The following MARCHF8 variants were observed in gnomAD, a reference collection of about 807,000 sequenced individuals.
MARCHF8 encodes the protein membrane associated ring-CH-type finger 8, also known as E3 ubiquitin-protein ligase MARCHF8.
A neutral mutation model predicts 51.6 loss-of-function variants in MARCHF8; 40 were observed. The ratio of observed to expected loss-of-function variants is 0.77; its 90% confidence interval spans 0.60 to 1.01. The LOEUF (loss-of-function observed/expected upper bound fraction) is 1.01, where lower values mean the gene tolerates loss of function less well. Among genes scored for constraint, MARCHF8 ranks in the 50% least tolerant of loss-of-function variants. The pLI is 0.00. For synonymous variants in MARCHF8, 263 were observed against 280.3 expected (o/e 0.94, Z 0.62); for missense variants, 685 against 708.6 (o/e 0.97, Z 0.38).
chr10:45,537,784 A>G (rs2043994661), upstream of MARCHF8, among the ~76,000 whole-genome samples: 1 of 152,176 alleles, frequency 6.6e-6, no homozygotes, highest in Non-Finnish European at 1.5e-5. Context: ...AGAGCAGTGC[A>G]TGCCAAGAGC....
chr10:45,593,465 C>A (rs2044703530), intron 1 of MARCHF8: 2 of 152,324 alleles, frequency 1.3e-5, no homozygotes, highest in African/African-American at 4.8e-5. Flanking sequence ...CTCAAGATTT[C>A]ACACAAGAGC....
intron 3 of MARCHF8, among the ~76,000 whole-genome samples, chr10:45,488,027 G>A (rs1334672951): frequency 1.3e-5 from 2 of 152,074 alleles, no homozygotes; most frequent in East Asian, 3.9e-4. Flanking sequence ...TCAATGTGTG[G>A]GCTGAGAGAG....
intron 2 of MARCHF8, among the ~76,000 whole-genome samples, chr10:45,508,858 G>GT (rs1292372964): frequency 2.6e-5 from 4 of 151,828 alleles, no homozygotes; most frequent in African/African-American, 7.2e-5. Context: ...TTATTATCTT[G>GT]TTTTGCATGT....
intron 2 of MARCHF8, among the ~76,000 whole-genome samples, chr10:45,517,592 C>A (rs1264481930): frequency 1.3e-5 from 2 of 152,192 alleles, no homozygotes; most frequent in East Asian, 1.9e-4. Flanking sequence ...AAGGCCTCAC[C>A]AGAAGCTGAA....
At chr10:45,544,738 G>A (rs1014144255) in intron 1 of MARCHF8, among the ~76,000 whole-genome samples, 1 of 152,108 alleles carries the variant, frequency 6.6e-6, no homozygotes, top group Non-Finnish European at 1.5e-5. Context: ...GAACTTTGGG[G>A]GCAAAGGAAA....
At chr10:45,586,117 C>A (rs1156753624) in intron 1 of MARCHF8, among the ~76,000 whole-genome samples, 1 of 152,078 alleles carries the variant, frequency 6.6e-6, no homozygotes, top group Non-Finnish European at 1.5e-5. Flanking sequence ...GAAGTTCTGA[C>A]AAAAGTGTAT....
At chr10:45,502,921 G>A (rs1446175018) in intron 2 of MARCHF8, among the ~76,000 whole-genome samples, 1 of 152,026 alleles carries the variant, frequency 6.6e-6, no homozygotes, top group Non-Finnish European at 1.5e-5. Context: ...TACATTTGAC[G>A]GCTGAAAGCA....
At chr10:45,521,397 AGTAAAAT>A (rs1368564754) in intron 2 of MARCHF8, among the ~76,000 whole-genome samples, 1 of 152,256 alleles carries the variant, frequency 6.6e-6, no homozygotes, top group Non-Finnish European at 1.5e-5. Context: ...TAAGAGACAT[AGTAAAAT>A]GTAGGGGCCT....
chr10:45,469,604 G>A (rs375968177), intron 3 of MARCHF8, among the ~76,000 whole-genome samples: 11 of 152,250 alleles, frequency 7.2e-5, no homozygotes, highest in African/African-American at 1.9e-4. Context: ...GGTGGCTCAC[G>A]CCTGTAATCC....
At chr10:45,495,966 A>G (rs1464369910) in intron 2 of MARCHF8, among the ~76,000 whole-genome samples, 1 of 152,192 alleles carries the variant, frequency 6.6e-6, no homozygotes, top group Non-Finnish European at 1.5e-5. Context: ...GGGAACCACA[A>G]AAAGATTAAC....
In MARCHF8 at chr10:45,463,570, G is replaced by T. The variant is rs964293664; in HGVS notation, c.669C>A (p.Ala223=). 6.4e-7 allele frequency: 1 copy of T among 1,550,524 alleles called. No individual in the cohort carries two copies. Among genetic ancestry groups the T allele is most frequent in the Admixed American group, 2.0e-5 (1 of 50,996 alleles). Residue 223 remains alanine (A), a synonymous_variant, in exon 5 of 8, where the codon GCC becomes GCA. Coordinates refer to ENST00000453424, the MANE Select transcript of MARCHF8 (RefSeq NM_001282866.2). ...SKHSCVSCLS[A]GRSTASEVEA... ...CCACCTCTGAGGCAGTTGAGCGACC[G>T]GCAGAAAGGCATGAAACACAAGAAT...
intron 2 of MARCHF8, among the ~76,000 whole-genome samples, chr10:45,520,333 G>A (rs2043686889): frequency 6.6e-6 from 1 of 152,180 alleles, no homozygotes; most frequent in Non-Finnish European, 1.5e-5. Flanking sequence ...CTTAAATACA[G>A]TAAAAAACAG....
intron 1 of MARCHF8, among the ~76,000 whole-genome samples, chr10:45,565,288 G>T (rs916486302): frequency 6.6e-6 from 1 of 151,940 alleles, no homozygotes; most frequent in African/African-American, 2.4e-5. Context: ...AAAATTAACC[G>T]GGCCTAGTGG....
At chr10:45,469,668 A>T (rs1443572769) in intron 3 of MARCHF8, among the ~76,000 whole-genome samples, 1 of 151,968 alleles carries the variant, frequency 6.6e-6, no homozygotes, top group Non-Finnish European at 1.5e-5. Flanking sequence ...GATCGAGACC[A>T]TCCTGGCTAA....
chr10:45,578,474 G>A (rs559887132), intron 1 of MARCHF8, among the ~76,000 whole-genome samples: 4 of 152,284 alleles, frequency 2.6e-5, no homozygotes, highest in African/African-American at 9.6e-5. Context: ...GGGATGTGGA[G>A]GGAGGAGGGA....
intron 2 of MARCHF8, among the ~76,000 whole-genome samples, chr10:45,530,957 A>C (rs2043872121): frequency 6.6e-6 from 1 of 152,222 alleles, no homozygotes; most frequent in Non-Finnish European, 1.5e-5. Flanking sequence ...AAAAGATCCA[A>C]AACAAATGTC....
At chr10:45,544,956 C>A (rs1472203877) in intron 1 of MARCHF8, among the ~76,000 whole-genome samples, 2 of 152,126 alleles carry the variant, frequency 1.3e-5, no homozygotes, top group African/African-American at 2.4e-5. Flanking sequence ...TTCCTTCAGT[C>A]CCCTCAGACC....
At chr10:45,547,985 C>T (rs1024117139) in intron 1 of MARCHF8, among the ~76,000 whole-genome samples, 1 of 152,298 alleles carries the variant, frequency 6.6e-6, no homozygotes, top group Admixed American at 6.5e-5. Context: ...ATTTGTATCA[C>T]AAGCCACAGA....
chr10:45,459,555 A>G (rs1842721214), intron 6 of MARCHF8, among the ~76,000 whole-genome samples: 1 of 152,210 alleles, frequency 6.6e-6, no homozygotes, highest in Non-Finnish European at 1.5e-5. Flanking sequence ...ATGGCCTGAT[A>G]AAGAATTCTA....
Sources: allele counts gnomAD v4.1 joint callset (sites outside exome capture counted in the v4.1 genomes callset), GRCh38; gene constraint gnomAD v4.1.1; transcripts MANE v1.5; gene names NCBI Gene and HGNC (gene_info 2026-07-23, HGNC 2026-07-21).